The following INPP4B variants were observed in gnomAD, a reference collection of about 807,000 sequenced individuals.
INPP4B encodes the protein inositol polyphosphate-4-phosphatase type II B.
INPP4B carries 55 observed loss-of-function variants against 122.5 expected under a neutral mutation model. The ratio of observed to expected loss-of-function variants is 0.45; its 90% confidence interval spans 0.36 to 0.56. INPP4B has a LOEUF of 0.56. Ranked by LOEUF, INPP4B falls within the 20% of genes least tolerant of loss-of-function variation. INPP4B has a pLI of 0.00. For synonymous variants in INPP4B, 403 were observed against 388.7 expected, an observed-to-expected ratio of 1.04 and a Z score of -0.43; for missense variants, 1,000 against 1,097.7, an observed-to-expected ratio of 0.91 and a Z score of 1.26.
intron 25 of INPP4B, among the ~76,000 whole-genome samples, chr4:142,058,474 A>G (rs533780332): frequency 2.7e-4 from 41 of 152,158 alleles, no homozygotes; most frequent in South Asian, 1.0e-3. Flanking sequence ...AACTTTGAGG[A>G]AGCAATTTCA....
intron 14 of INPP4B, among the ~76,000 whole-genome samples, chr4:142,197,957 C>T (rs962345996): frequency 2.6e-5 from 4 of 152,052 alleles, no homozygotes; most frequent in African/African-American, 9.7e-5. Context: ...CTTAGTCACG[C>T]TTAGATTTTC....
intron 2 of INPP4B, among the ~76,000 whole-genome samples, chr4:142,595,433 A>T (rs761369739): frequency 3.3e-5 from 5 of 152,214 alleles, no homozygotes; most frequent in Admixed American, 1.3e-4. Flanking sequence ...AAATGGCCTC[A>T]GTAGTGTATA....
intron 7 of INPP4B, among the ~76,000 whole-genome samples, chr4:142,331,101 A>C (rs942251732): frequency 6.6e-6 from 1 of 152,236 alleles, no homozygotes; most frequent in African/African-American, 2.4e-5. Context: ...AAGGAAATTC[A>C]AGGGATTTAA....
chr4:142,748,479 T>A (rs947328198), intron 1 of INPP4B, among the ~76,000 whole-genome samples: 1 of 151,608 alleles, frequency 6.6e-6, no homozygotes, highest in Non-Finnish European at 1.5e-5. Context: ...ATTGGTAAAC[T>A]CCCAGCAAAG....
chr4:142,190,671 G>A (rs1173830549), intron 15 of INPP4B, among the ~76,000 whole-genome samples: 3 of 151,724 alleles, frequency 2.0e-5, no homozygotes, highest in Non-Finnish European at 4.4e-5. Context: ...TGCAAGCATT[G>A]AACATGTTTC....
chr4:142,819,702 T>C (rs151126139), intron 1 of INPP4B, among the ~76,000 whole-genome samples: 71 of 152,214 alleles, frequency 4.7e-4, no homozygotes, highest in African/African-American at 1.7e-3. Context: ...TGGTAGAGGT[T>C]ATGTTGATGT....
intron 2 of INPP4B, among the ~76,000 whole-genome samples, chr4:142,719,246 T>C (rs1764195451): frequency 6.6e-6 from 1 of 152,194 alleles, no homozygotes; most frequent in Non-Finnish European, 1.5e-5. Context: ...AATGTAAACC[T>C]AACCTTATAA....
intron 11 of INPP4B, among the ~76,000 whole-genome samples, chr4:142,249,715 T>C (rs568095304): frequency 1.2e-4 from 19 of 152,322 alleles, no homozygotes; most frequent in Admixed American, 6.5e-5. Context: ...TTGAAAAACC[T>C]AGGCTTTAAA....
intron 8 of INPP4B, among the ~76,000 whole-genome samples, chr4:142,308,189 T>A (rs1764164555): frequency 6.6e-6 from 1 of 152,096 alleles, no homozygotes; most frequent in Non-Finnish European, 1.5e-5. Context: ...ATGAGTCAGG[T>A]TTATCCATTA....
chr4:142,667,467 G>A (rs1756288212), intron 2 of INPP4B, among the ~76,000 whole-genome samples: 1 of 152,128 alleles, frequency 6.6e-6, no homozygotes, highest in South Asian at 2.1e-4. Context: ...CTGGACATTA[G>A]AGATGTTAGG....
chr4:142,423,795 A>G (rs749352699), intron 5 of INPP4B: 2 of 435,840 alleles, frequency 4.6e-6, no homozygotes, highest in South Asian at 1.7e-5. Flanking sequence ...GGTGGCTTAC[A>G]GAGTGAATAT....
chr4:142,057,696 T>C (rs1406668759), intron 25 of INPP4B, among the ~76,000 whole-genome samples: 2 of 152,168 alleles, frequency 1.3e-5, no homozygotes, highest in African/African-American at 4.8e-5. Context: ...TTTCTTGAAC[T>C]ATTCATGCTA....
At chr4:142,089,178 T>C (rs1432753632) in intron 23 of INPP4B, among the ~76,000 whole-genome samples, 2 of 152,084 alleles carry the variant, frequency 1.3e-5, no homozygotes, top group Non-Finnish European at 2.9e-5. Flanking sequence ...CTGGGCTTCA[T>C]CCTAGAAAAT....
chr4:142,197,859 C>T (rs536522416), intron 14 of INPP4B, among the ~76,000 whole-genome samples: 1 of 152,192 alleles, frequency 6.6e-6, no homozygotes, highest in African/African-American at 2.4e-5. Context: ...TGTGTCTAGT[C>T]TTATGCTGGT....
intron 1 of INPP4B, among the ~76,000 whole-genome samples, chr4:142,772,265 G>A (rs1773193792): frequency 6.6e-6 from 1 of 152,088 alleles, no homozygotes; most frequent in South Asian, 2.1e-4. Context: ...ATCCTGTGCT[G>A]GGATAACTGG....
intron 2 of INPP4B, among the ~76,000 whole-genome samples, chr4:142,491,051 T>C (rs1436410552): frequency 6.6e-6 from 1 of 152,174 alleles, no homozygotes; most frequent in African/African-American, 2.4e-5. Flanking sequence ...CTCTTCAACA[T>C]ACTCATTTCA....
chr4:142,731,935 T>A (rs971802714), intron 1 of INPP4B, among the ~76,000 whole-genome samples: 1 of 152,098 alleles, frequency 6.6e-6, no homozygotes, highest in South Asian at 2.1e-4. Context: ...ATACCATGAA[T>A]AGGAGACAGG....
At chr4:142,062,592 TG>T (rs1761551565) in intron 25 of INPP4B, among the ~76,000 whole-genome samples, 1 of 151,750 alleles carries the variant, frequency 6.6e-6, no homozygotes, top group African/African-American at 2.4e-5. Flanking sequence ...AAAAATTAGC[TG>T]GGCATGGCGG....
rs553780316 is a variant in INPP4B, at chr4:142,405,151, G to A, written c.255+55C>T. The A allele has an allele frequency of 5.1e-4, 515 of 1,017,858 alleles. 1 individual carries two copies. The African/African-American group carries it at 7.6e-3, about 15-fold the overall frequency. The allele number at this position is 1,017,858 out of a possible 1,614,324, so 63.1% of individuals were successfully genotyped here. A position where few individuals can be genotyped will look rare whatever the true frequency, so the allele number is the denominator to read the frequency against. ...AGGGAGAGAGAGAGCAAGAGCGAGC[G>A]AGCCAGCAAGAGAGAGAGAGAGAGA... On this transcript the variant is annotated intron_variant, in intron 6 of 25. Coordinates refer to ENST00000262992, the MANE Select transcript of INPP4B (RefSeq NM_001101669.3).
Sources: gnomAD v4.1 joint callset for allele counts (sites outside exome capture counted in the v4.1 genomes callset) on GRCh38, gnomAD v4.1.1 for gene constraint, MANE v1.5 for transcripts, NCBI Gene and HGNC (gene_info 2026-07-23, HGNC 2026-07-21) for gene names.